Variants in TIMP2 observed in about 807,000 individuals in gnomAD.
TIMP2 encodes the protein metalloproteinase inhibitor 2.
In TIMP2, 5 loss-of-function variants were observed where a neutral mutation model predicts 24.3. The ratio of observed to expected loss-of-function variants is 0.21; its 90% CI spans 0.11 to 0.43. TIMP2 has a LOEUF of 0.43. TIMP2 is among the 20% of genes least tolerant of loss of function. TIMP2 has a pLI of 1.00. For synonymous variants in TIMP2, 130 were observed against 123.2 expected (o/e 1.06, Z -0.37); for missense variants, 221 against 297.5 (o/e 0.74, Z 1.89).
At chr17:78,885,228 G>A (rs907953741) in intron 1 of TIMP2, among the ~76,000 whole-genome samples, 2 of 152,250 alleles carry the variant, frequency 1.3e-5, no homozygotes, top group Non-Finnish European at 2.9e-5. Context: ...GCCGGAGGAC[G>A]AAGGTTCCAG....
At chr17:78,901,403 G>A (rs62074364) in intron 1 of TIMP2, 2,809 of 261,798 alleles carry the variant, frequency 0.011, 22 homozygotes, top group Non-Finnish European at 0.015. Flanking sequence ...AAATCTGAAC[G>A]AGGGAGAGGT....
chr17:78,895,052 G>A (rs1157882134), intron 1 of TIMP2, among the ~76,000 whole-genome samples: 1 of 152,242 alleles, frequency 6.6e-6, no homozygotes, highest in Non-Finnish European at 1.5e-5. Flanking sequence ...AGGCTGAGGC[G>A]GGCGGATCAC....
intron 1 of TIMP2, among the ~76,000 whole-genome samples, chr17:78,888,090 T>C (rs761619382): frequency 1.3e-5 from 2 of 151,788 alleles, no homozygotes; most frequent in African/African-American, 2.4e-5. Context: ...ATGTTTAGCA[T>C]ACATATATGG....
rs1201460793 is a variant in TIMP2 at position 78,893,212 on chromosome 17, T to G, written c.131-19293A>C. 9.0e-4 allele frequency among the ~76,000 whole-genome samples: 114 copies of G among 126,432 alleles called. 2 individuals carry two copies. The highest frequency in any genetic ancestry group is 3.3e-3 in the African/African-American group (105 of 31,424). The allele number at this position is 126,432 out of a possible 152,430, so 82.9% of individuals were successfully genotyped here. ...GGGTGTGTGCAAGGATGTGTGTGCA[T>G]GTGTGTGCAGGGGTGTGTGTGCATG... is the stretch of plus-strand genomic sequence containing the variant. On this transcript the variant is annotated intron_variant, in intron 1 of 4. Transcript: ENST00000262768.
intron 1 of TIMP2, among the ~76,000 whole-genome samples, chr17:78,885,928 A>AG (rs1192284809): frequency 2.0e-5 from 3 of 152,112 alleles, no homozygotes; most frequent in Non-Finnish European, 4.4e-5. Flanking sequence ...AAGGTGACCA[A>AG]GGGGGGAGGG....
intron 1 of TIMP2, among the ~76,000 whole-genome samples, chr17:78,890,203 C>CT (rs879844069): frequency 0.09 from 12,128 of 134,230 alleles, 1,435 homozygotes; most frequent in African/African-American, 0.27. Context: ...TGACAGATTG[C>CT]TTTTTTTTTT....
chr17:78,920,902 T>C lies in TIMP2; in HGVS notation c.130+4057A>G, dbSNP rs1200107029. ...CACCACAGGGACAATGTCTTGCTTC[T>C]CCCTTACATCCCCGGGGGCAGAGGC... is the stretch of plus-strand genomic sequence containing the variant. On this transcript the variant is annotated intron_variant, in intron 1 of 4. Transcript: ENST00000262768. This position sits in a 1 kb window ranked among gnomAD's most constrained non-coding sequence, Gnocchi z 4.5. 3.3e-5 allele frequency among the ~76,000 whole-genome samples: 5 copies of C among 152,034 alleles called. No homozygotes were observed. Among genetic ancestry groups the C allele is most frequent in the Admixed American group, 2.6e-4 (4 of 15,260 alleles).
At position 78,908,498 on chromosome 17, in the gene TIMP2, T is replaced by C. The variant is rs143672290; in HGVS notation, c.130+16461A>G. On this transcript the variant is annotated intron_variant, in intron 1 of 4. Transcript: ENST00000262768. ...CTCTTGGCCAAAAGGAGCAAAGTGA[T>C]GTTAAATCCAAAGCTGTGAAATCTA... Among the ~76,000 whole-genome samples the C allele has an allele frequency of 2.5e-3, 377 of 152,296 alleles. 3 individuals are homozygous for C. Among genetic ancestry groups the C allele is most frequent in the Non-Finnish European group, 2.9e-3 (198 of 68,026 alleles).
At chr17:78,888,882 A>G (rs1247051217) in intron 1 of TIMP2, among the ~76,000 whole-genome samples, 1 of 152,230 alleles carries the variant, frequency 6.6e-6, no homozygotes, top group African/African-American at 2.4e-5. Context: ...AAGTAAGGCC[A>G]TTCGTGGACC....
rs2069892008 is a variant in TIMP2, at chr17:78,891,428, AG to A, written c.131-17510del. The A allele has an allele frequency of 1.3e-6, 2 of 1,550,886 alleles. No individual in the cohort carries two copies. The highest frequency in any genetic ancestry group is 3.9e-5 in the Admixed American group (2 of 51,010). On this transcript the variant is annotated intron_variant, in intron 1 of 4. Coordinates refer to ENST00000262768, the MANE Select transcript of TIMP2 (RefSeq NM_003255.5). This position sits in a 1 kb window ranked among gnomAD's most constrained non-coding sequence, Gnocchi z 4.5. Reference sequence around the variant, plus strand: ...GGGCTTCAGTGCCAGGTACAAGCACAGGTGTTTTTTCAGCTTTCTGTTTATA... The same window carrying A: ...GGGCTTCAGTGCCAGGTACAAGCACAGTGTTTTTTCAGCTTTCTGTTTATA...
intron 1 of TIMP2, chr17:78,903,083 G>A (rs974730654): frequency 6.6e-6 from 1 of 152,364 alleles, no homozygotes; most frequent in Non-Finnish European, 1.5e-5. Flanking sequence ...CCACAGATGG[G>A]AACAGACACA....
intron 3 of TIMP2, among the ~76,000 whole-genome samples, chr17:78,861,558 G>A (rs1169592591): frequency 6.6e-6 from 1 of 152,010 alleles, no homozygotes. Context: ...TTCCTCAGGA[G>A]GTAAGCAATG....
intron 1 of TIMP2, among the ~76,000 whole-genome samples, chr17:78,922,570 C>CA (rs1295110459): frequency 1.3e-5 from 2 of 152,346 alleles, no homozygotes; most frequent in South Asian, 2.1e-4. Flanking sequence ...ATAATCCCAG[C>CA]ACTTTGGGAG....
intron 1 of TIMP2, chr17:78,874,127 C>T (rs144294310): frequency 4.6e-4 from 243 of 530,030 alleles, no homozygotes; most frequent in African/African-American, 4.2e-3. Flanking sequence ...CCTCCTCCTC[C>T]TCCTTCCACG....
At chr17:78,875,472 T>C (rs999552331) in intron 1 of TIMP2, among the ~76,000 whole-genome samples, 3 of 152,184 alleles carry the variant, frequency 2.0e-5, no homozygotes, top group African/African-American at 7.2e-5. Flanking sequence ...GTTCCACTCC[T>C]GGTAACCTGA....
At chr17:78,884,218 G>T (rs2069805684) in intron 1 of TIMP2, among the ~76,000 whole-genome samples, 2 of 152,192 alleles carry the variant, frequency 1.3e-5, no homozygotes, top group African/African-American at 4.8e-5. Context: ...GATGAGCAGG[G>T]GGCCAGGGTG....
chr17:78,864,337 C>T lies in TIMP2; in HGVS notation c.340+6561G>A, dbSNP rs530964230. On this transcript the variant is annotated intron_variant, in intron 3 of 4. Transcript: ENST00000262768. ...CTCTCCCTGACTCCCTTCACTCCCT[C>T]CCTCCTTCCCTTCCTCCCTTCCTCC... 2.2e-4 allele frequency among the ~76,000 whole-genome samples: 33 copies of T among 151,438 alleles called. No individual in the cohort carries two copies. In the South Asian group the frequency reaches 6.3e-3, roughly 29 times the overall value.
chr17:78,922,320 GT>G (rs2070313927), intron 1 of TIMP2: 1 of 152,258 alleles, frequency 6.6e-6, no homozygotes, highest in African/African-American at 2.4e-5. Flanking sequence ...TTTATCCCAA[GT>G]TGGTTGAGCA....
chr17:78,895,101 T>C (rs2069978021), intron 1 of TIMP2, among the ~76,000 whole-genome samples: 2 of 151,982 alleles, frequency 1.3e-5, no homozygotes, highest in South Asian at 2.1e-4. Context: ...ACCAACATGG[T>C]GAAACCCCGT....
Sources: gnomAD v4.1 joint callset for allele counts (sites outside exome capture counted in the v4.1 genomes callset) on GRCh38, gnomAD v4.1.1 for gene constraint, Gnocchi (gnomAD v3.1) non-coding constraint, MANE v1.5 for transcripts, NCBI Gene and HGNC (gene_info 2026-07-23, HGNC 2026-07-21) for gene names.